Variants in ANKRD11 observed in about 807,000 individuals in gnomAD.
ANKRD11 encodes the protein ankyrin repeat domain 11, also known as ankyrin repeat domain-containing protein 11.
ANKRD11 carries 17 observed loss-of-function variants against 195.7 expected under a neutral mutation model. The observed-to-expected ratio is 0.09, with a 90% CI of 0.06 to 0.13. ANKRD11 has a LOEUF of 0.13. Ranked by LOEUF, ANKRD11 falls within the 10% of genes least tolerant of loss-of-function variation. The pLI is 1.00. For missense variants in ANKRD11, 3,735 were observed against 3,566.1 expected (o/e 1.05, Z -1.21); for synonymous variants, 1,953 against 1,528.1 (o/e 1.28, Z -6.49).
intron 7 of ANKRD11, chr16:89,288,207 C>T (rs957898696): frequency 1.8e-5 from 11 of 610,390 alleles, no homozygotes; most frequent in Admixed American, 5.6e-5. Context: ...TGACGGGGAC[C>T]GGCAGCAACT....
intron 2 of ANKRD11, among the ~76,000 whole-genome samples, chr16:89,351,396 G>A (rs2039212496): frequency 6.6e-6 from 1 of 152,202 alleles, no homozygotes; most frequent in African/African-American, 2.4e-5. Context: ...TACTGAGCAG[G>A]TGGCTGACTT....
intron 3 of ANKRD11, among the ~76,000 whole-genome samples, chr16:89,315,786 C>G (rs1393363772): frequency 1.3e-5 from 2 of 152,240 alleles, no homozygotes; most frequent in Admixed American, 6.5e-5. Context: ...AAGAAGTGGA[C>G]TGAGTCGCCA....
intron 2 of ANKRD11, among the ~76,000 whole-genome samples, chr16:89,334,122 A>T (rs2038207385): frequency 6.7e-6 from 1 of 148,222 alleles, no homozygotes. Context: ...CAGCCTGGGT[A>T]ACATGATGAA....
chr16:89,291,850 T>G lies in ANKRD11; in HGVS notation c.227-667A>C, dbSNP rs1370955129. The G allele has an allele frequency of 1.9e-6, 2 of 1,044,006 alleles. No individual in the cohort carries two copies. The highest frequency in any genetic ancestry group is 2.6e-6 in the Non-Finnish European group (2 of 765,814). 64.7% of individuals were successfully genotyped at this position (1,044,006 alleles called of 1,614,324 possible). ...GGCTGTTTCCACCTCAGCCTCCTCGTAACAAGCACACCCTGCACTCATCTG... is the reference window on the plus strand; with the variant it reads ...GGCTGTTTCCACCTCAGCCTCCTCGGAACAAGCACACCCTGCACTCATCTG... On this transcript the variant is annotated intron_variant, in intron 4 of 12. Coordinates refer to ENST00000301030, the MANE Select transcript of ANKRD11 (RefSeq NM_013275.6). This position sits in a 1 kb window ranked among gnomAD's most constrained non-coding sequence, Gnocchi z 5.3.
rs1461855053 is a variant in ANKRD11, at chr16:89,280,319, C to T, written c.6223G>A (p.Ala2075Thr). Residue 2075 changes from alanine (A) to threonine (T), a missense_variant, in exon 9 of 13, where the codon GCC becomes ACC. By Grantham distance (58) the Ala-to-Thr change is moderately conservative (BLOSUM62 0). Transcript: ENST00000301030. ...FFSNCKSLPEAPLDVAPEPAC... is the reference protein window; with the variant it reads ...FFSNCKSLPETPLDVAPEPAC... ...GGCTCGGGGGCCACGTCCAGCGGGG[C>T]TTCCGGAAGTGACTTGCAGTTGCTG... 5 of 1,587,314 alleles carry T rather than the reference C, an allele frequency of 3.1e-6. No homozygotes were observed. The highest frequency in any genetic ancestry group is 3.5e-5 in the Admixed American group (2 of 57,024).
chr16:89,473,197 A>G (rs1044585516), intron 1 of ANKRD11, among the ~76,000 whole-genome samples: 1 of 151,008 alleles, frequency 6.6e-6, no homozygotes, highest in African/African-American at 2.4e-5. Flanking sequence ...AAAAAGGATC[A>G]TTGGGAACAT....
chr16:89,328,635 G>C (rs2037869238), intron 2 of ANKRD11, among the ~76,000 whole-genome samples: 1 of 150,312 alleles, frequency 6.7e-6, no homozygotes, highest in African/African-American at 2.5e-5. Context: ...GACACACCCA[G>C]GAGCACGGGC....
chr16:89,286,933 T>C (rs1442008613), intron 7 of ANKRD11: 15 of 1,289,696 alleles, frequency 1.2e-5, no homozygotes, highest in Non-Finnish European at 1.5e-5. Flanking sequence ...CTATAGACTC[T>C]TGTCGCCCAC....
chr16:89,280,398 G>A lies in ANKRD11; in HGVS notation c.6144C>T (p.Ile2048=). 1.3e-6 allele frequency: 2 copies of A among 1,561,014 alleles called. No individual in the cohort carries two copies. Among genetic ancestry groups the A allele is most frequent in the South Asian group, 1.2e-5 (1 of 83,660 alleles). Residue 2048 remains isoleucine (I), a synonymous_variant, in exon 9 of 13, where the codon ATC becomes ATT. Transcript: ENST00000301030. ...KDGVDAVPAA[I]STSEAAPYAP... ...CGTAGGGAGCCGCCTCTGAGGTGGAGATGGCGGCGGGGACGGCGTCCACTC... is the reference window on the plus strand; with the variant it reads ...CGTAGGGAGCCGCCTCTGAGGTGGAAATGGCGGCGGGGACGGCGTCCACTC...
intron 1 of ANKRD11, among the ~76,000 whole-genome samples, chr16:89,418,884 C>G (rs886894615): frequency 1.3e-5 from 2 of 151,918 alleles, no homozygotes; most frequent in Non-Finnish European, 2.9e-5. Context: ...ATTCTCCTAC[C>G]TCAGCCTCCC....
chr16:89,434,874 G>A (rs572832071), intron 1 of ANKRD11, among the ~76,000 whole-genome samples: 1 of 152,354 alleles, frequency 6.6e-6, no homozygotes, highest in South Asian at 2.1e-4. Context: ...TCTAACTGGT[G>A]AGACTGCACC....
chr16:89,435,730 G>A (rs115177566), intron 1 of ANKRD11, among the ~76,000 whole-genome samples: 1,826 of 151,340 alleles, frequency 0.012, 35 homozygotes, highest in African/African-American at 0.042. Context: ...CCTGCTGGGA[G>A]TCCAAGACCA....
At chr16:89,365,969 T>G (rs1202769751) in intron 2 of ANKRD11, among the ~76,000 whole-genome samples, 6 of 152,118 alleles carry the variant, frequency 3.9e-5, no homozygotes, top group Non-Finnish European at 7.4e-5. Context: ...TATTTGGTTT[T>G]CTGTCCCTGC....
At chr16:89,313,379 G>T in intron 3 of ANKRD11, 2 of 1,288,166 alleles carry the variant, frequency 1.6e-6, no homozygotes, top group Non-Finnish European at 2.0e-6. Flanking sequence ...GCAGCTCAGC[G>T]GTTCTGGGAT....
rs1389997315 is a variant in ANKRD11 at position 89,305,740 on chromosome 16, CACCT to C, written c.88-400_88-397del. Among the ~76,000 whole-genome samples the C allele has an allele frequency of 8.2e-4, 75 of 91,226 alleles. 1 individual carries two copies. The highest frequency in any genetic ancestry group is 4.6e-4 in the Admixed American group (4 of 8,774). The allele number at this position is 91,226 out of a possible 152,430, so 59.8% of individuals were successfully genotyped here. ...CACCTCCCACTCCGCAGACACGCGC[CACCT>C]ACCTCCCACTCCGCAGACACGCGCC... On this transcript the variant is annotated intron_variant, in intron 3 of 12. Coordinates refer to ENST00000301030, the MANE Select transcript of ANKRD11 (RefSeq NM_013275.6).
At chr16:89,467,270 A>C (rs2056917497) in intron 1 of ANKRD11, among the ~76,000 whole-genome samples, 1 of 384 alleles carries the variant, frequency 2.6e-3, no homozygotes. Context: ...CATCTCTACA[A>C]AAAAAAAAAA....
Position 89,357,174 on chromosome 16 carries a change from C to G in ANKRD11, c.-59-40096G>C, listed in dbSNP as rs564359407. Reference sequence around the variant, plus strand: ...TGCTCAGAGGTAGGCTCGGCCAGAGCTACAACACACCTTCGAAGATGAGTG... The same window carrying G: ...TGCTCAGAGGTAGGCTCGGCCAGAGGTACAACACACCTTCGAAGATGAGTG... On this transcript the variant is annotated intron_variant, in intron 2 of 12. Transcript: ENST00000301030. Among the ~76,000 whole-genome samples the G allele has an allele frequency of 2.0e-5, 3 of 152,318 alleles. No homozygotes were observed. In the East Asian group the frequency reaches 5.8e-4, roughly 29 times the overall value.
In ANKRD11 at chr16:89,281,351, C is replaced by G; in HGVS notation, c.5191G>C (p.Asp1731His). 6.2e-7 allele frequency: 1 copy of G among 1,611,688 alleles called. No individual in the cohort carries two copies. The highest frequency in any genetic ancestry group is 8.5e-7 in the Non-Finnish European group (1 of 1,178,160). The change falls in exon 9 of 13, where the codon GAC becomes CAC. Residue 1731 changes from aspartate (D) to histidine (H), a missense_variant. Physicochemically the swap from Asp to His is moderately conservative, Grantham distance 81. Coordinates refer to ENST00000301030, the MANE Select transcript of ANKRD11 (RefSeq NM_013275.6). This position sits in a 1 kb window ranked among gnomAD's most constrained non-coding sequence, Gnocchi z 5.5. ...TPRTPSCSAD[D>H]YADLVFDCAD... Reference sequence around the variant, plus strand: ...CAGTCGAACACGAGGTCCGCGTAGTCATCGGCGCTGCAGGACGGGGTCCTG... The same window carrying G: ...CAGTCGAACACGAGGTCCGCGTAGTGATCGGCGCTGCAGGACGGGGTCCTG...
At position 89,284,348 on chromosome 16, in the gene ANKRD11, A is replaced by G. The variant is rs377553429; in HGVS notation, c.2194T>C (p.Phe732Leu). The G allele has an allele frequency of 3.1e-6, 5 of 1,613,678 alleles. No individual in the cohort carries two copies. The African/African-American group carries it at 6.7e-5, about 22-fold the overall frequency. Residue 732 changes from phenylalanine to leucine, a missense_variant, in exon 9 of 13, where the codon TTC (phenylalanine) becomes CTC (leucine). By Grantham distance (22) the Phe-to-Leu change is conservative (BLOSUM62 0). Transcript: ENST00000301030. ...TTCGAACGGTCTTTCTCTTCTCGGA[A>G]AGACCTGCTGATGTCTTTGTTTGTG... ...KDTNKDISRS[F>L]REEKDRSNKA...
Sources: gnomAD v4.1 joint callset for allele counts (sites outside exome capture counted in the v4.1 genomes callset) on GRCh38, gnomAD v4.1.1 for gene constraint, Gnocchi (gnomAD v3.1) non-coding constraint, MANE v1.5 for transcripts, NCBI Gene and HGNC (gene_info 2026-07-23, HGNC 2026-07-21) for gene names.